The following NELL1 variants were observed in gnomAD, a reference collection of about 807,000 sequenced individuals.
NELL1 encodes neural EGFL like 1, also known as protein kinase C-binding protein NELL1.
Under a neutral mutation model 107.4 loss-of-function variants are expected in NELL1, and 76 were observed. That is an observed-to-expected ratio of 0.71 (90% CI 0.59 to 0.86). The LOEUF is 0.86. Among genes scored for constraint, NELL1 ranks in the 40% least tolerant of loss-of-function variants. NELL1 has a pLI of 0.00. For synonymous variants in NELL1, 353 were observed against 341.2 expected, an observed-to-expected ratio of 1.03 and a Z score of -0.38; for missense variants, 1,024 against 1,005.5, an observed-to-expected ratio of 1.02 and a Z score of -0.25.
At chr11:20,701,740 T>C (rs530507113) in intron 2 of NELL1, among the ~76,000 whole-genome samples, 228 of 152,298 alleles carry the variant, frequency 1.5e-3, no homozygotes, top group African/African-American at 5.1e-3. Context: ...TAGCCAGTTT[T>C]CCCAGCACCA....
chr11:21,569,197 T>G (rs901121227), intron 17 of NELL1, among the ~76,000 whole-genome samples: 9 of 142,044 alleles, frequency 6.3e-5, no homozygotes, highest in African/African-American at 2.0e-4. Context: ...TTTCATTGTG[T>G]GGCACATGAC....
chr11:20,751,041 T>TTGTG (rs1049414804), intron 2 of NELL1, among the ~76,000 whole-genome samples: 2 of 150,244 alleles, frequency 1.3e-5, no homozygotes, highest in East Asian at 1.9e-4. Flanking sequence ...GTGTGTGTGT[T>TTGTG]TGTGTGTGTG....
At chr11:21,567,665 A>T (rs1564964875) in intron 17 of NELL1, among the ~76,000 whole-genome samples, 2 of 151,798 alleles carry the variant, frequency 1.3e-5, no homozygotes, top group Non-Finnish European at 2.9e-5. Flanking sequence ...ACTTTAGCTG[A>T]CACAAAACAT....
At chr11:21,494,952 A>G (rs557850137) in intron 15 of NELL1, among the ~76,000 whole-genome samples, 250 of 152,194 alleles carry the variant, frequency 1.6e-3, no homozygotes, top group African/African-American at 5.7e-3. Context: ...ACTAGGTTAC[A>G]GTATGGTTTT....
chr11:21,351,609 G>A (rs895070431), intron 14 of NELL1, among the ~76,000 whole-genome samples: 21 of 151,886 alleles, frequency 1.4e-4, no homozygotes, highest in Admixed American at 4.6e-4. Flanking sequence ...TGTCTACTCC[G>A]GACAAAGATC....
chr11:20,917,630 G>A (rs1039461007), intron 5 of NELL1, among the ~76,000 whole-genome samples: 16 of 151,844 alleles, frequency 1.1e-4, no homozygotes, highest in Admixed American at 5.3e-4. Flanking sequence ...TCTTAAATTT[G>A]AGCTATTCTT....
intron 3 of NELL1, among the ~76,000 whole-genome samples, chr11:20,797,333 G>A (rs1283274419): frequency 3.3e-5 from 5 of 151,994 alleles, no homozygotes; most frequent in Non-Finnish European, 7.4e-5. Flanking sequence ...GGGAGGCTGA[G>A]GCGGGTAGAT....
At chr11:20,907,319 A>T (rs1408060211) in intron 5 of NELL1, among the ~76,000 whole-genome samples, 1 of 151,826 alleles carries the variant, frequency 6.6e-6, no homozygotes, top group African/African-American at 2.4e-5. Flanking sequence ...GTATTTTTAA[A>T]TTATGTATCT....
intron 13 of NELL1, among the ~76,000 whole-genome samples, chr11:21,123,085 A>G (rs1464994721): frequency 6.6e-6 from 1 of 152,114 alleles, no homozygotes; most frequent in Non-Finnish European, 1.5e-5. Context: ...GGGAAAAGAG[A>G]TTTCCCTTTT....
intron 12 of NELL1, among the ~76,000 whole-genome samples, chr11:20,963,004 A>C (rs1288244399): frequency 6.6e-6 from 1 of 152,160 alleles, no homozygotes; most frequent in Non-Finnish European, 1.5e-5. Flanking sequence ...CAGAGAACCC[A>C]GTAGAGTGAA....
At chr11:21,459,862 C>T (rs1853854351) in intron 15 of NELL1, among the ~76,000 whole-genome samples, 1 of 151,952 alleles carries the variant, frequency 6.6e-6, no homozygotes, top group Non-Finnish European at 1.5e-5. Flanking sequence ...AACTAAAGAT[C>T]TACAATCAGC....
At chr11:21,179,431 G>A (rs1856779709) in intron 13 of NELL1, among the ~76,000 whole-genome samples, 1 of 151,858 alleles carries the variant, frequency 6.6e-6, no homozygotes, top group African/African-American at 2.4e-5. Flanking sequence ...AGGATTTGCA[G>A]GTTGGCAGAG....
intron 13 of NELL1, among the ~76,000 whole-genome samples, chr11:21,188,399 G>T (rs372574096): frequency 6.6e-6 from 1 of 151,648 alleles, no homozygotes; most frequent in Non-Finnish European, 1.5e-5. Context: ...AATGTGTTTG[G>T]CTCCCATAGC....
chr11:21,289,915 A>G (rs1288997919), intron 14 of NELL1, among the ~76,000 whole-genome samples: 2 of 152,068 alleles, frequency 1.3e-5, no homozygotes, highest in Non-Finnish European at 2.9e-5. Context: ...AGCTCCGAAA[A>G]GCCACTTAGC....
At chr11:21,350,811 AT>A (rs1292485615) in intron 14 of NELL1, among the ~76,000 whole-genome samples, 1 of 152,154 alleles carries the variant, frequency 6.6e-6, no homozygotes, top group Non-Finnish European at 1.5e-5. Flanking sequence ...TAAATGTTAT[AT>A]GAGTACAACA....
chr11:20,823,237 C>A (rs2134027277), intron 3 of NELL1, among the ~76,000 whole-genome samples: 1 of 151,306 alleles, frequency 6.6e-6, no homozygotes, highest in Non-Finnish European at 1.5e-5. Flanking sequence ...TGGTAGCAGG[C>A]AGAGAGAATG....
chr11:20,910,586 C>T (rs1850107889), intron 5 of NELL1, among the ~76,000 whole-genome samples: 1 of 152,226 alleles, frequency 6.6e-6, no homozygotes, highest in Non-Finnish European at 1.5e-5. Context: ...GATTAGATTA[C>T]TGCCCTGCTG....
At chr11:21,393,502 A>G (rs1188917694) in intron 15 of NELL1, among the ~76,000 whole-genome samples, 3 of 151,808 alleles carry the variant, frequency 2.0e-5, no homozygotes, top group African/African-American at 7.2e-5. Context: ...TTTAGATAAG[A>G]GCAAAGCTTT....
chr11:21,212,298 T>C (rs1478293801), intron 13 of NELL1, among the ~76,000 whole-genome samples: 1 of 152,190 alleles, frequency 6.6e-6, no homozygotes, highest in Non-Finnish European at 1.5e-5. Flanking sequence ...CTGGCTCATA[T>C]AGTATGAGCA....
Sources: allele counts gnomAD v4.1 joint callset (sites outside exome capture counted in the v4.1 genomes callset), GRCh38; gene constraint gnomAD v4.1.1; transcripts MANE v1.5; gene names NCBI Gene and HGNC (gene_info 2026-07-23, HGNC 2026-07-21).